Variants in ENAH observed in about 807,000 individuals in gnomAD.
ENAH encodes ENAH actin regulator, also known as protein enabled homolog.
In ENAH, 23 loss-of-function variants were observed where a neutral mutation model predicts 78.7. That is an observed-to-expected ratio of 0.29 (90% CI 0.21 to 0.41). ENAH has a LOEUF of 0.41. Ranked by LOEUF, ENAH falls within the 10% of genes least tolerant of loss-of-function variation. The probability of loss-of-function intolerance (pLI) is 1.00; values close to 1 mark genes in which losing one functional copy is unlikely to be tolerated. For missense variants in ENAH, 544 were observed against 691.0 expected, an observed-to-expected ratio of 0.79 and a Z score of 2.39; for synonymous variants, 226 against 241.0, an observed-to-expected ratio of 0.94 and a Z score of 0.58.
At chr1:225,555,927 T>C (rs1344703410) in intron 2 of ENAH, among the ~76,000 whole-genome samples, 1 of 152,218 alleles carries the variant, frequency 6.6e-6, no homozygotes, top group East Asian at 1.9e-4. Context: ...TTTCCTATTA[T>C]TAATCGAGTT....
intron 2 of ENAH, among the ~76,000 whole-genome samples, chr1:225,557,207 A>G (rs763313370): frequency 1.2e-4 from 18 of 152,192 alleles, no homozygotes; most frequent in South Asian, 6.2e-4. Flanking sequence ...TAACATATCA[A>G]TCTGAGGAGG....
At chr1:225,567,690 T>C (rs2096741624) in intron 1 of ENAH, among the ~76,000 whole-genome samples, 1 of 152,186 alleles carries the variant, frequency 6.6e-6, no homozygotes, top group East Asian at 1.9e-4. Flanking sequence ...TCTTCTAAAT[T>C]TGAGTATCTA....
chr1:225,631,007 C>G (rs1043882682), intron 1 of ENAH, among the ~76,000 whole-genome samples: 2 of 152,134 alleles, frequency 1.3e-5, no homozygotes, highest in Non-Finnish European at 2.9e-5. Context: ...ACTTCACCGA[C>G]CTTAAATATA....
chr1:225,511,869 C>A lies in ENAH; in HGVS notation c.1423-10G>T. 6.4e-7 allele frequency: 1 copy of A among 1,567,030 alleles called. No individual in the cohort carries two copies. The highest frequency in any genetic ancestry group is 1.4e-5 in the African/African-American group (1 of 73,860). ...CAGGCTCTGAATCTTCCTAAATATA[C>A]AGATATATATTAATATCACATCTAC... On this transcript the variant is annotated splice_polypyrimidine_tract_variant and intron_variant, in intron 9 of 13. Coordinates refer to ENST00000366843, the MANE Select transcript of ENAH (RefSeq NM_018212.6).
chr1:225,517,054 TAAA>T (rs150663666), intron 6 of ENAH, 139 bp downstream of exon 6: 101 of 484,026 alleles, frequency 2.1e-4, no homozygotes, highest in African/African-American at 1.5e-3. Context: ...TTTTTTTAAT[TAAA>T]AAAAAAAAAA....
At chr1:225,610,080 C>T (rs903216001) in intron 1 of ENAH, among the ~76,000 whole-genome samples, 1 of 151,288 alleles carries the variant, frequency 6.6e-6, no homozygotes, top group Admixed American at 6.6e-5. Flanking sequence ...TAAAACCATG[C>T]TTTAGAATAA....
At chr1:225,600,157 T>C (rs1343541082) in intron 1 of ENAH, among the ~76,000 whole-genome samples, 1 of 152,174 alleles carries the variant, frequency 6.6e-6, no homozygotes, top group Admixed American at 6.5e-5. Flanking sequence ...AATTACCTAG[T>C]CTCAGCTATT....
At chr1:225,533,268 C>T (rs2096546780) in intron 3 of ENAH, among the ~76,000 whole-genome samples, 1 of 152,086 alleles carries the variant, frequency 6.6e-6, no homozygotes, top group Non-Finnish European at 1.5e-5. Flanking sequence ...AAAGGCACCC[C>T]ACATGACATG....
chr1:225,569,802 A>C (rs977733735), intron 1 of ENAH, among the ~76,000 whole-genome samples: 2 of 152,194 alleles, frequency 1.3e-5, no homozygotes, highest in East Asian at 3.9e-4. Flanking sequence ...AGAAAAAATA[A>C]GCTATGGGTA....
At chr1:225,557,632 C>T (rs2096673494) in intron 2 of ENAH, among the ~76,000 whole-genome samples, 1 of 152,136 alleles carries the variant, frequency 6.6e-6, no homozygotes, top group African/African-American at 2.4e-5. Flanking sequence ...ACCAGCCTGG[C>T]CAACATGGTG....
intron 3 of ENAH, among the ~76,000 whole-genome samples, chr1:225,537,944 A>G (rs1298372212): frequency 6.6e-6 from 1 of 152,108 alleles, no homozygotes; most frequent in African/African-American, 2.4e-5. Context: ...ACTACAGTAG[A>G]CTCTGCATTC....
chr1:225,524,448 T>C (rs2096490582), intron 4 of ENAH, among the ~76,000 whole-genome samples: 2 of 152,182 alleles, frequency 1.3e-5, no homozygotes, highest in South Asian at 2.1e-4. Flanking sequence ...TATTGACATT[T>C]CTCAGAAAAT....
At chr1:225,515,287 C>A in intron 6 of ENAH, 1 of 179,308 alleles carries the variant, frequency 5.6e-6, no homozygotes, top group Non-Finnish European at 1.1e-5. Flanking sequence ...ATATCAGACC[C>A]AAAATAATCC....
At chr1:225,646,038 T>C (rs1661895295) in intron 1 of ENAH, among the ~76,000 whole-genome samples, 1 of 152,192 alleles carries the variant, frequency 6.6e-6, no homozygotes, top group South Asian at 2.1e-4. Context: ...ACGGATATCT[T>C]GTATAAATCA....
intron 1 of ENAH, among the ~76,000 whole-genome samples, chr1:225,625,534 T>G (rs1657792553): frequency 1.3e-5 from 2 of 152,220 alleles, no homozygotes; most frequent in Admixed American, 1.3e-4. Context: ...TTTTTGTTTA[T>G]TTTTTGAGAT....
At chr1:225,651,381 G>A (rs1020598896) in intron 1 of ENAH, among the ~76,000 whole-genome samples, 3 of 151,354 alleles carry the variant, frequency 2.0e-5, no homozygotes, top group Non-Finnish European at 4.4e-5. Context: ...ATGGAAACAC[G>A]TTTAACCTTG....
chr1:225,503,280 T>C (rs1215365613), intron 11 of ENAH, among the ~76,000 whole-genome samples: 1 of 152,150 alleles, frequency 6.6e-6, no homozygotes, highest in East Asian at 1.9e-4. Context: ...ACTGAGCAGA[T>C]TTACTACATT....
intron 4 of ENAH, among the ~76,000 whole-genome samples, chr1:225,526,596 C>G (rs2096507427): frequency 6.6e-6 from 1 of 151,684 alleles, no homozygotes; most frequent in Non-Finnish European, 1.5e-5. Flanking sequence ...CTCAGCCTCC[C>G]AAAGTGCTGG....
chr1:225,527,544 A>G (rs2096514766), intron 4 of ENAH, among the ~76,000 whole-genome samples: 1 of 152,200 alleles, frequency 6.6e-6, no homozygotes, highest in South Asian at 2.1e-4. Flanking sequence ...AGAGTTTTGT[A>G]GTATCTTTTT....
Sources: allele counts gnomAD v4.1 joint callset (sites outside exome capture counted in the v4.1 genomes callset), GRCh38; gene constraint gnomAD v4.1.1; transcripts MANE v1.5; gene names NCBI Gene and HGNC (gene_info 2026-07-23, HGNC 2026-07-21).